Variants in NSRP1 observed in about 807,000 individuals in gnomAD.
NSRP1 encodes nuclear speckle splicing regulatory protein 1, also known as coiled-coil domain containing 55.
Under a neutral mutation model 54.7 loss-of-function variants are expected in NSRP1, and 24 were observed. The observed-to-expected ratio is 0.44, with a 90% CI of 0.32 to 0.62. The LOEUF is 0.62. Ranked by LOEUF, NSRP1 falls within the 20% of genes least tolerant of loss-of-function variation. The pLI is 0.06. For synonymous variants in NSRP1, 210 were observed against 213.8 expected (o/e 0.98, Z 0.15); for missense variants, 596 against 651.2 (o/e 0.92, Z 0.92).
intron 3 of NSRP1, among the ~76,000 whole-genome samples, chr17:30,177,447 G>A (rs1362346795): frequency 6.6e-6 from 1 of 152,122 alleles, no homozygotes; most frequent in Non-Finnish European, 1.5e-5. Context: ...AAGATCATTG[G>A]GGGTTAGAGG....
chr17:30,178,440 T>C (rs1228275872), intron 4 of NSRP1, among the ~76,000 whole-genome samples: 5 of 152,222 alleles, frequency 3.3e-5, no homozygotes, highest in Non-Finnish European at 5.9e-5. Context: ...CAAATAGTTT[T>C]TTGAAAACTT....
intron 3 of NSRP1, among the ~76,000 whole-genome samples, chr17:30,175,235 T>G (rs576311269): frequency 6.6e-5 from 10 of 152,308 alleles, no homozygotes; most frequent in African/African-American, 2.4e-4. Flanking sequence ...TCTTACAGAT[T>G]TTGATAGGCA....
At chr17:30,178,690 G>A (rs1905206030) in intron 4 of NSRP1, among the ~76,000 whole-genome samples, 1 of 152,006 alleles carries the variant, frequency 6.6e-6, no homozygotes, top group African/African-American at 2.4e-5. Flanking sequence ...ATTTTTAAGG[G>A]CATTTGCATC....
intron 2 of NSRP1, among the ~76,000 whole-genome samples, chr17:30,170,305 CT>C (rs920133345): frequency 2.0e-4 from 31 of 152,168 alleles, no homozygotes; most frequent in African/African-American, 7.5e-4. Context: ...ATCTTACATA[CT>C]TTTTTTGTTT....
At chr17:30,162,997 A>G (rs577957384) in intron 2 of NSRP1, 2 of 152,054 alleles carry the variant, frequency 1.3e-5, no homozygotes, top group African/African-American at 4.8e-5. Flanking sequence ...CTCCTGCCTC[A>G]GCCTCCTGAG....
At chr17:30,144,910 C>T (rs920359277) in intron 2 of NSRP1, 7 of 152,064 alleles carry the variant, frequency 4.6e-5, no homozygotes, top group Non-Finnish European at 7.3e-5. Context: ...CTTGGATATC[C>T]GTGTTTGATA....
rs144432867 is a variant in NSRP1 at position 30,153,106 on chromosome 17, G to A, written c.115-19436G>A. Reference sequence around the variant, plus strand: ...ATTTTTGTATTTTTTTAGTAGAGACGGAGTTTTGCCGTGTTGGCCAGGCTG... The same window carrying A: ...ATTTTTGTATTTTTTTAGTAGAGACAGAGTTTTGCCGTGTTGGCCAGGCTG... On this transcript the variant is annotated intron_variant, in intron 2 of 6. Transcript: ENST00000247026. Among the ~76,000 whole-genome samples the A allele has an allele frequency of 6.0e-3, 909 of 151,690 alleles. 4 individuals are homozygous for A. Among genetic ancestry groups the A allele is most frequent in the African/African-American group, 0.021 (876 of 41,372 alleles).
chr17:30,123,830 C>T (rs756312974), intron 2 of NSRP1, among the ~76,000 whole-genome samples: 2 of 152,000 alleles, frequency 1.3e-5, no homozygotes, highest in African/African-American at 2.4e-5. Context: ...ACCATTAAAT[C>T]GTCCATCGTC....
At chr17:30,181,610 G>GTTT (rs1028312563) in intron 6 of NSRP1, among the ~76,000 whole-genome samples, 2 of 111,602 alleles carry the variant, frequency 1.8e-5, no homozygotes, top group African/African-American at 3.2e-5. Flanking sequence ...TTTTTTTTTT[G>GTTT]TTTTTTTTTT....
chr17:30,178,123 A>G lies in NSRP1; in HGVS notation c.224A>G (p.Tyr75Cys). The G allele has an allele frequency of 6.2e-7, 1 of 1,610,246 alleles. No homozygotes were observed. Among genetic ancestry groups the G allele is most frequent in the Non-Finnish European group, 8.5e-7 (1 of 1,178,048 alleles). Residue 75 changes from tyrosine (Y) to cysteine (C), a missense_variant, in exon 4 of 7, where the codon TAT (tyrosine) becomes TGT (cysteine). Coordinates refer to ENST00000247026, the MANE Select transcript of NSRP1 (RefSeq NM_032141.4). ...GCAGAAGATGCTACTGTGTATGAAT[A>G]TGACAGTATTTATGATGAAATGCAG... is the stretch of plus-strand genomic sequence containing the variant. The part of the protein sequence containing the change: ...ALAEDATVYE[Y>C]DSIYDEMQKK...
chr17:30,170,666 T>G (rs1904897033), intron 2 of NSRP1, among the ~76,000 whole-genome samples: 1 of 152,208 alleles, frequency 6.6e-6, no homozygotes, highest in South Asian at 2.1e-4. Flanking sequence ...CCACAGTTTC[T>G]TTATCCATTC....
Position 30,172,545 on chromosome 17 carries a change from T to C in NSRP1, c.118T>C (p.Ser40Pro). 2 of 1,608,808 alleles carry C rather than the reference T, an allele frequency of 1.2e-6. No individual in the cohort carries two copies. Among genetic ancestry groups the C allele is most frequent in the Non-Finnish European group, 1.7e-6 (2 of 1,177,102 alleles). Residue 40 changes from serine to proline, a missense_variant, in exon 3 of 7, where the codon TCT becomes CCT. Physicochemically the swap from Ser to Pro is moderately conservative, Grantham distance 74. Transcript: ENST00000247026. ...GNDSDDDDET[S>P]VSESLQREAA... Reference sequence around the variant, plus strand: ...ACAATATATTTCTGTTTTACAGACCTCTGTGAGTGAAAGCCTTCAGAGGGA... The same window carrying C: ...ACAATATATTTCTGTTTTACAGACCCCTGTGAGTGAAAGCCTTCAGAGGGA...
At chr17:30,169,444 C>T (rs1904847708) in intron 2 of NSRP1, among the ~76,000 whole-genome samples, 1 of 152,000 alleles carries the variant, frequency 6.6e-6, no homozygotes, top group Non-Finnish European at 1.5e-5. Context: ...ACATCATTAA[C>T]TCAGTGGTCA....
rs1188326070 is a variant in NSRP1, at chr17:30,186,257, C to G, written c.*583C>G. 6.6e-6 allele frequency: 1 copy of G among 151,956 alleles called. No homozygotes were observed. Among genetic ancestry groups the G allele is most frequent in the Admixed American group, 6.6e-5 (1 of 15,260 alleles). The allele number at this position is 151,956 out of a possible 1,614,324, so 9.4% of individuals were successfully genotyped here. A position where few individuals can be genotyped will look rare whatever the true frequency, so the allele number is the denominator to read the frequency against. ...TCCAACCTGGGCAACAGAATGAGAC[C>G]CTGTCTCTAAAAAATTTTTTTTAAA... On this transcript the variant is annotated 3_prime_UTR_variant, in exon 7 of 7. Coordinates refer to ENST00000247026, the MANE Select transcript of NSRP1 (RefSeq NM_032141.4).
In NSRP1 at chr17:30,152,355, T is replaced by C. The variant is rs551850205; in HGVS notation, c.115-20187T>C. ...GGCTGGTCTTGAACTCCTGACCTCA[T>C]GATCTGCCCGCCTCAGCCTCCCAAA... On this transcript the variant is annotated intron_variant, in intron 2 of 6. Coordinates refer to ENST00000247026, the MANE Select transcript of NSRP1 (RefSeq NM_032141.4). Among the ~76,000 whole-genome samples, 262 of 151,352 alleles carry C rather than the reference T, an allele frequency of 1.7e-3. 1 individual carries two copies. The highest frequency in any genetic ancestry group is 2.0e-3 in the Non-Finnish European group (139 of 67,840).
At chr17:30,166,484 T>C (rs764209852) in intron 2 of NSRP1, among the ~76,000 whole-genome samples, 1 of 152,230 alleles carries the variant, frequency 6.6e-6, no homozygotes, top group Non-Finnish European at 1.5e-5. Context: ...TTAAAAGTTC[T>C]CTTAAAATTT....
At chr17:30,122,383 A>ATG (rs2071610933) in intron 2 of NSRP1, 1 of 25,180 alleles carries the variant, frequency 4.0e-5, no homozygotes, top group African/African-American at 1.4e-4. Flanking sequence ...ATATATATAT[A>ATG]TATTTTTTTT....
chr17:30,138,922 T>TTG (rs1555578510), intron 2 of NSRP1, among the ~76,000 whole-genome samples: 4 of 135,606 alleles, frequency 2.9e-5, no homozygotes, highest in South Asian at 2.6e-4. Flanking sequence ...TTTTTTTTTT[T>TTG]TTTTTTTTTT....
Position 30,133,339 on chromosome 17 carries a change from T to A in NSRP1, c.114+15166T>A, listed in dbSNP as rs77547022. Among the ~76,000 whole-genome samples the A allele has an allele frequency of 2.8e-4, 42 of 152,260 alleles. No homozygotes were observed. In the East Asian group the frequency reaches 7.1e-3, roughly 26 times the overall value. ...AGAATGGATAGTGTGTTGATAGGCCTGAAAACAACATTCATCTCCTTGTAC... is the reference window on the plus strand; with the variant it reads ...AGAATGGATAGTGTGTTGATAGGCCAGAAAACAACATTCATCTCCTTGTAC... On this transcript the variant is annotated intron_variant, in intron 2 of 6. Coordinates refer to ENST00000247026, the MANE Select transcript of NSRP1 (RefSeq NM_032141.4).
Sources: allele counts gnomAD v4.1 joint callset (sites outside exome capture counted in the v4.1 genomes callset), GRCh38; gene constraint gnomAD v4.1.1; transcripts MANE v1.5; gene names NCBI Gene and HGNC (gene_info 2026-07-23, HGNC 2026-07-21).